Variants in ELF4 observed in about 807,000 individuals in gnomAD.
ELF4 encodes ETS-related transcription factor Elf-4.
A neutral mutation model predicts 31.7 loss-of-function variants in ELF4; 10 were observed. The observed-to-expected ratio is 0.32, with a 90% CI of 0.19 to 0.54. ELF4 has a LOEUF of 0.54. ELF4 is among the 20% of genes least tolerant of loss of function. ELF4 has a pLI of 0.95. For missense variants in ELF4, 418 were observed against 522.0 expected, an observed-to-expected ratio of 0.80 and a Z score of 1.94; for synonymous variants, 208 against 226.7, an observed-to-expected ratio of 0.92 and a Z score of 0.74.
Position 130,066,033 on chromosome X carries a change from C to A in ELF4, c.*688G>T, listed in dbSNP as rs1401020510. On this transcript the variant is annotated 3_prime_UTR_variant, in exon 9 of 9. Transcript: ENST00000308167. ...ACTCGGCCTTTGTGTCCCTGAGGAG[C>A]GCATCTTCCCCAATGTGCATGCGCA... The A allele has an allele frequency of 5.8e-6, 1 of 173,102 alleles. No homozygotes were observed. The highest frequency in any genetic ancestry group is 3.0e-5 in the African/African-American group (1 of 33,852). The allele number at this position is 173,102 out of a possible 1,213,427, so 14.3% of individuals were successfully genotyped here. A position where few individuals can be genotyped will look rare whatever the true frequency, so the allele number is the denominator to read the frequency against.
intron 1 of ELF4, among the ~76,000 whole-genome samples, chrX:130,094,666 G>C (rs770747744): frequency 2.4e-4 from 27 of 110,962 alleles, no homozygotes; most frequent in African/African-American, 8.5e-4. Context: ...GTTCCCTCCA[G>C]ATAGGGCCCC....
chrX:130,092,101 TC>T (rs1221436381), intron 1 of ELF4, among the ~76,000 whole-genome samples: 1 of 111,232 alleles, frequency 9.0e-6, no homozygotes, highest in Non-Finnish European at 1.9e-5. Context: ...CTCCCCTCCC[TC>T]CAGTCCGGTG....
intron 1 of ELF4, among the ~76,000 whole-genome samples, chrX:130,104,833 C>T (rs1406785044): frequency 9.0e-6 from 1 of 111,323 alleles, no homozygotes; most frequent in Non-Finnish European, 1.9e-5. Flanking sequence ...CAGGAAGTGC[C>T]CACACTGGGC....
chrX:130,102,853 TGAGA>T (rs748191970), intron 1 of ELF4, among the ~76,000 whole-genome samples: 1,430 of 58,406 alleles, frequency 0.024, 28 homozygotes, highest in East Asian at 0.042. Context: ...AAGATAAAGA[TGAGA>T]GAGAGAGAGA....
chrX:130,107,364 G>A (rs1466066957), intron 1 of ELF4, among the ~76,000 whole-genome samples: 3 of 111,886 alleles, frequency 2.7e-5, no homozygotes, highest in African/African-American at 9.8e-5. Flanking sequence ...CTGTGTGTGG[G>A]GAGGGTGGGA....
At chrX:130,075,637 C>T (rs1016520673) in intron 2 of ELF4, among the ~76,000 whole-genome samples, 2 of 111,559 alleles carry the variant, frequency 1.8e-5, no homozygotes, top group African/African-American at 6.5e-5. Flanking sequence ...AGGGCTCAGT[C>T]TATGAGGATT....
chrX:130,081,470 A>T lies in ELF4; in HGVS notation c.-140T>A. ...CTGCAGTAAAATAGGGGGTGGAGAG[A>T]GCTGGAGTAGGTGGTGGCCTAAGCC... On this transcript the variant is annotated 5_prime_UTR_variant, in exon 2 of 9. Coordinates refer to ENST00000308167, the MANE Select transcript of ELF4 (RefSeq NM_001421.4). The T allele has an allele frequency of 4.6e-6, 3 of 653,218 alleles. No individual in the cohort carries two copies. In the South Asian group the frequency reaches 7.0e-5, roughly 15 times the overall value. The allele number at this position is 653,218 out of a possible 1,213,427, so 53.8% of individuals were successfully genotyped here.
rs777456574 is a variant in ELF4 at position 130,089,509 on chromosome X, C to CAAAAA, written c.-209-7975_-209-7971dup. ...GGGCAACAAGAGTGAGACCTCAGCT[C>CAAAAA]AAAAAAAAAAAAAAAAAAAAAAAAA... On this transcript the variant is annotated intron_variant, in intron 1 of 8. Transcript: ENST00000308167. Among the ~76,000 whole-genome samples the CAAAAA allele has an allele frequency of 6.2e-3, 121 of 19,456 alleles. 31 individuals are homozygous for CAAAAA. Among genetic ancestry groups the CAAAAA allele is most frequent in the East Asian group, 0.039 (17 of 434 alleles). 16.9% of individuals were successfully genotyped at this position (19,456 alleles called of 115,157 possible). A position where few individuals can be genotyped will look rare whatever the true frequency, so the allele number is the denominator to read the frequency against.
At position 130,064,723 on chromosome X, in the gene ELF4, C is replaced by T. The variant is rs1224131337; in HGVS notation, c.*1998G>A. 1.8e-5 allele frequency among the ~76,000 whole-genome samples: 2 copies of T among 109,869 alleles called. No individual in the cohort carries two copies. The highest frequency in any genetic ancestry group is 9.8e-5 in the Admixed American group (1 of 10,249). On this transcript the variant is annotated 3_prime_UTR_variant, in exon 9 of 9. Coordinates refer to ENST00000308167, the MANE Select transcript of ELF4 (RefSeq NM_001421.4). ...CAGCTAGTGTGGGCTCACGGGGGCC[C>T]GAGAACTGTGAAGAAGACATTTGAT...
chrX:130,069,187 G>C (rs1279610593), intron 8 of ELF4, 113 bp downstream of exon 8: 40 of 1,025,376 alleles, frequency 3.9e-5, no homozygotes, highest in Non-Finnish European at 4.6e-5. Flanking sequence ...TCATGCCACT[G>C]CACTCCAGCC....
intron 1 of ELF4, among the ~76,000 whole-genome samples, chrX:130,109,440 C>T (rs749611304): frequency 5.3e-5 from 6 of 112,948 alleles, no homozygotes; most frequent in Non-Finnish European, 1.1e-4. Context: ...AGACAGGCCT[C>T]TATCACAGGC....
At chrX:130,097,974 T>C (rs1421536984) in intron 1 of ELF4, among the ~76,000 whole-genome samples, 1 of 112,406 alleles carries the variant, frequency 8.9e-6, no homozygotes, top group Non-Finnish European at 1.9e-5. Context: ...GCCGGGTGTT[T>C]ACAGGCTGCC....
At chrX:130,078,762 T>TACAC (rs530565075) in intron 2 of ELF4, among the ~76,000 whole-genome samples, 11,597 of 84,681 alleles carry the variant, frequency 0.14, 774 homozygotes, top group South Asian at 0.2. Flanking sequence ...TCTCTCTCTC[T>TACAC]ACACACACAC....
chrX:130,074,826 C>T, intron 2 of ELF4, 74 bp from the exon 3 acceptor site: 1 of 1,131,531 alleles, frequency 8.8e-7, no homozygotes, highest in Non-Finnish European at 1.2e-6. Context: ...AGAATCTGGC[C>T]CTCTGTGCAA....
chrX:130,078,072 G>A (rs1437634003), intron 2 of ELF4, among the ~76,000 whole-genome samples: 1 of 107,717 alleles, frequency 9.3e-6, no homozygotes, highest in East Asian at 2.9e-4. Context: ...TGGAGACAGA[G>A]TTTTGCCTCT....
At chrX:130,085,739 C>T (rs1178165050) in intron 1 of ELF4, among the ~76,000 whole-genome samples, 2 of 111,664 alleles carry the variant, frequency 1.8e-5, no homozygotes, top group Non-Finnish European at 3.8e-5. Context: ...CCTGAAATAC[C>T]TCATCCTCCA....
Position 130,072,296 on chromosome X carries a change from C to T in ELF4, c.462G>A (p.Glu154=), listed in dbSNP as rs1932794832. ...AGGCCTTCTCCTCCAGAGAATGCCC[C>T]TCCTGGTCACTAGTGTCACCCGCCC... ...LNRAGDTSDQ[E]GHSLEEKASR... is the part of the protein sequence containing the mutation. Residue 154 remains glutamate (E), a synonymous_variant, in exon 5 of 9, where the codon GAG becomes GAA. Coordinates refer to ENST00000308167, the MANE Select transcript of ELF4 (RefSeq NM_001421.4). 8.3e-6 allele frequency: 10 copies of T among 1,211,006 alleles called. No homozygotes were observed. The highest frequency in any genetic ancestry group is 2.2e-5 in the Admixed American group (1 of 45,934).
At chrX:130,079,676 G>C (rs951869563) in intron 2 of ELF4, among the ~76,000 whole-genome samples, 1 of 110,399 alleles carries the variant, frequency 9.1e-6, no homozygotes, top group Admixed American at 9.7e-5. Flanking sequence ...AGGGCGTCCT[G>C]GGCTTTGAGC....
At position 130,063,972 on chromosome X, in the gene ELF4, T is replaced by TTATTA. The variant is rs1556172026; in HGVS notation, c.*2748_*2749insTAATA. On this transcript the variant is annotated 3_prime_UTR_variant, in exon 9 of 9. Coordinates refer to ENST00000308167, the MANE Select transcript of ELF4 (RefSeq NM_001421.4). ...TGACGGCCTTTTTGTTTGCTTGATT[T>TTATTA]TTATTATTATTATTATTATTATTAT... 4.3e-5 allele frequency among the ~76,000 whole-genome samples: 4 copies of TTATTA among 93,325 alleles called. No homozygotes were observed. Among genetic ancestry groups the TTATTA allele is most frequent in the South Asian group, 5.1e-4 (1 of 1,968 alleles). The allele number at this position is 93,325 out of a possible 115,157, so 81.0% of individuals were successfully genotyped here.
Sources: allele counts gnomAD v4.1 joint callset (sites outside exome capture counted in the v4.1 genomes callset), GRCh38; gene constraint gnomAD v4.1.1; transcripts MANE v1.5; gene names NCBI Gene and HGNC (gene_info 2026-07-23, HGNC 2026-07-21).